The following ULK2 variants were observed in gnomAD, a reference collection of about 807,000 sequenced individuals.
The protein encoded by ULK2 is serine/threonine-protein kinase ULK2.
ULK2 carries 76 observed loss-of-function variants against 127.5 expected under a neutral mutation model. The observed-to-expected ratio is 0.60, with a 90% CI of 0.50 to 0.72. ULK2 has a LOEUF of 0.72. Among genes scored for constraint, ULK2 ranks in the 30% least tolerant of loss-of-function variants. The probability of loss-of-function intolerance (pLI) is 0.00; values close to 1 mark genes in which losing one functional copy is unlikely to be tolerated. For missense variants in ULK2, 1,144 were observed against 1,295.9 expected (o/e 0.88, Z 1.80); for synonymous variants, 452 against 461.9 (o/e 0.98, Z 0.28).
At chr17:19,818,121 G>C (rs2041039496) in intron 12 of ULK2, among the ~76,000 whole-genome samples, 1 of 152,042 alleles carries the variant, frequency 6.6e-6, no homozygotes, top group Non-Finnish European at 1.5e-5. Context: ...AGGAGATCGA[G>C]ACCATCCTGG....
intron 2 of ULK2, among the ~76,000 whole-genome samples, 181 bp from the exon 3 acceptor site, chr17:19,865,025 C>G (rs1448005749): frequency 1.3e-5 from 2 of 151,960 alleles, no homozygotes; most frequent in African/African-American, 4.8e-5. Context: ...CATTATCTCA[C>G]TGAAAGAAAA....
At chr17:19,785,472 C>G (rs930020905) in intron 21 of ULK2, among the ~76,000 whole-genome samples, 11 of 151,570 alleles carry the variant, frequency 7.3e-5, no homozygotes, top group Non-Finnish European at 1.5e-4. Context: ...CTCAGCCTCC[C>G]AAAGTAAGTG....
intron 5 of ULK2, 85 bp downstream of exon 5, chr17:19,849,284 G>GGGT: frequency 8.6e-7 from 1 of 1,163,298 alleles, no homozygotes; most frequent in Non-Finnish European, 1.2e-6. Flanking sequence ...AGCAGAAAAT[G>GGGT]GGTAGTGTAT....
intron 24 of ULK2, 149 bp from the exon 25 acceptor site, chr17:19,780,778 C>G: frequency 9.6e-7 from 1 of 1,045,658 alleles, no homozygotes; most frequent in Non-Finnish European, 1.4e-6. Flanking sequence ...TTCATGTTAT[C>G]TCTTTCAATA....
At chr17:19,802,398 AATT>A (rs1449638993) in intron 15 of ULK2, among the ~76,000 whole-genome samples, 1 of 152,210 alleles carries the variant, frequency 6.6e-6, no homozygotes, top group African/African-American at 2.4e-5. Context: ...AATTTTTAAG[AATT>A]ATTAACTCAT....
intron 3 of ULK2, among the ~76,000 whole-genome samples, chr17:19,856,973 T>A (rs2042144536): frequency 1.2e-5 from 1 of 82,900 alleles, no homozygotes. Context: ...CGAGACTCCA[T>A]CTCCAAAAAA....
chr17:19,799,362 A>C, intron 17 of ULK2, 133 bp downstream of exon 17: 2 of 728,556 alleles, frequency 2.7e-6, no homozygotes, highest in Non-Finnish European at 4.0e-6. Context: ...ACATTAGACC[A>C]AGATTCTAAA....
chr17:19,786,189 G>GTTTT, intron 20 of ULK2, 103 bp from the exon 21 acceptor site: 1 of 873,260 alleles, frequency 1.1e-6, no homozygotes, highest in South Asian at 2.2e-5. Context: ...GAGTCTAGTG[G>GTTTT]TTTTTTTTTT....
At chr17:19,778,897 G>A (rs1217870407) in intron 25 of ULK2, among the ~76,000 whole-genome samples, 4 of 152,172 alleles carry the variant, frequency 2.6e-5, no homozygotes, top group African/African-American at 4.8e-5. Context: ...CAGCCAGGAC[G>A]AACGGAGGAA....
At chr17:19,856,584 A>G (rs2042132234) in intron 3 of ULK2, among the ~76,000 whole-genome samples, 1 of 151,508 alleles carries the variant, frequency 6.6e-6, no homozygotes, top group South Asian at 2.1e-4. Context: ...TCCGTCACAC[A>G]CACAAAAAAA....
intron 14 of ULK2, among the ~76,000 whole-genome samples, chr17:19,809,657 C>T (rs1375840992): frequency 7.0e-6 from 1 of 143,700 alleles, no homozygotes; most frequent in Non-Finnish European, 1.5e-5. Context: ...CACTTGAACC[C>T]GGCAGGTAGA....
rs62636606 is a variant in ULK2, at chr17:19,797,519, C to T, written c.1686G>A (p.Ser562=). 4.5e-4 allele frequency: 732 copies of T among 1,613,826 alleles called. 1 individual carries two copies. In the African/African-American group the frequency reaches 8.6e-3, roughly 19 times the overall value. Residue 562 remains serine, a synonymous_variant, in exon 18 of 27, where the codon TCG becomes TCA. Coordinates refer to ENST00000395544, the MANE Select transcript of ULK2 (RefSeq NM_014683.4). ...PSHTGAGYSY[S]PQPSRPGSLG... The stretch of plus-strand genomic sequence containing the variant: ...GGCTGCCAGGCCGACTGGGCTGAGG[C>T]GAGTAGCTGTACCCAGCCCCAGTAT...
intron 17 of ULK2, among the ~76,000 whole-genome samples, chr17:19,798,788 A>G (rs1019856209): frequency 6.6e-6 from 1 of 152,170 alleles, no homozygotes; most frequent in Non-Finnish European, 1.5e-5. Flanking sequence ...CATGATTCAC[A>G]CATATCTTTT....
At chr17:19,853,568 C>T (rs1004574189) in intron 3 of ULK2, among the ~76,000 whole-genome samples, 4 of 149,172 alleles carry the variant, frequency 2.7e-5, no homozygotes, top group African/African-American at 1.0e-4. Flanking sequence ...CAATTCGGCC[C>T]CACCTTCTTT....
intron 17 of ULK2, 109 bp downstream of exon 17, chr17:19,799,386 G>T: frequency 1.1e-6 from 1 of 923,724 alleles, no homozygotes; most frequent in Non-Finnish European, 1.5e-6. Context: ...CAGGATGGCA[G>T]AGGAGATATT....
At position 19,814,448 on chromosome 17, in the gene ULK2, T is replaced by TGTTTG. The variant is rs1467778986; in HGVS notation, c.1096+2300_1096+2301insCAAAC. ...TATATATATATATATATTTTTTTTT[T>TGTTTG]TTTTTTTTTTTTTTTGGAGACAGGG... On this transcript the variant is annotated intron_variant, in intron 13 of 26. Coordinates refer to ENST00000395544, the MANE Select transcript of ULK2 (RefSeq NM_014683.4). Among the ~76,000 whole-genome samples the TGTTTG allele has an allele frequency of 4.2e-3, 34 of 8,086 alleles. 2 individuals carry two copies. In the South Asian group the frequency reaches 0.05, roughly 12 times the overall value. The allele number at this position is 8,086 out of a possible 152,430, so 5.3% of individuals were successfully genotyped here.
Position 19,780,458 on chromosome 17 carries a change from T to C in ULK2, c.2916+14A>G, listed in dbSNP as rs2086895201. The C allele has an allele frequency of 1.2e-6, 2 of 1,602,678 alleles. No homozygotes were observed. The highest frequency in any genetic ancestry group is 2.7e-5 in the African/African-American group (2 of 74,440). The stretch of plus-strand genomic sequence containing the variant: ...AAGTAGTACTATACAATATTAAACC[T>C]TAGAAAGGGTTACCATTTCTACAGC... On this transcript the variant is annotated intron_variant, in intron 25 of 26. Transcript: ENST00000395544.
At chr17:19,782,503 C>T (rs1054480585) in intron 22 of ULK2, among the ~76,000 whole-genome samples, 2 of 152,160 alleles carry the variant, frequency 1.3e-5, no homozygotes, top group African/African-American at 2.4e-5. Context: ...AATTTCTGGT[C>T]GTTTTTCAGT....
intron 14 of ULK2, 37 bp downstream of exon 14, chr17:19,810,338 TATA>T: frequency 1.5e-6 from 2 of 1,347,914 alleles, no homozygotes; most frequent in Non-Finnish European, 2.1e-6. Context: ...AAAAATAAAA[TATA>T]AAACAAATTT....
Sources: gnomAD v4.1 joint callset for allele counts (sites outside exome capture counted in the v4.1 genomes callset) on GRCh38, gnomAD v4.1.1 for gene constraint, MANE v1.5 for transcripts, NCBI Gene and HGNC (gene_info 2026-07-23, HGNC 2026-07-21) for gene names.